Variants in DPYSL5 observed in about 807,000 individuals in gnomAD.
The protein encoded by DPYSL5 is dihydropyrimidinase-related protein 5.
DPYSL5 carries 9 observed loss-of-function variants against 58.4 expected under a neutral mutation model. That is an observed-to-expected ratio of 0.15 (90% confidence interval 0.09 to 0.27). The LOEUF (loss-of-function observed/expected upper bound fraction) is 0.27. Ranked by LOEUF, DPYSL5 falls within the 10% of genes least tolerant of loss-of-function variation. The pLI is 1.00. For synonymous variants in DPYSL5, 293 were observed against 301.9 expected (o/e 0.97, Z 0.31); for missense variants, 499 against 770.6 (o/e 0.65, Z 4.17).
chr2:26,931,137 TAAAAAA>T (rs61652873), intron 5 of DPYSL5, among the ~76,000 whole-genome samples: 1,216 of 48,712 alleles, frequency 0.025, 21 homozygotes, highest in South Asian at 0.052. Flanking sequence ...AGACCCTATC[TAAAAAA>T]AAAAAAAAAA....
At chr2:26,872,790 C>CAG (rs35041270) in intron 1 of DPYSL5, among the ~76,000 whole-genome samples, 53,345 of 151,868 alleles carry the variant, frequency 0.35, 9,796 homozygotes, top group Admixed American at 0.45. Flanking sequence ...GCCTGGGCAA[C>CAG]AGCGAGACTC....
chr2:26,921,734 C>T (rs143777535), intron 2 of DPYSL5, among the ~76,000 whole-genome samples: 68 of 152,260 alleles, frequency 4.5e-4, no homozygotes, highest in African/African-American at 1.5e-3. Context: ...CAGTGAAACT[C>T]TTGTTTCGAG....
chr2:26,877,999 G>A lies in DPYSL5; in HGVS notation c.-4-20497G>A, dbSNP rs753210553. Among the ~76,000 whole-genome samples the A allele has an allele frequency of 2.0e-5, 3 of 152,166 alleles. No individual in the cohort carries two copies. The highest frequency in any genetic ancestry group is 4.4e-5 in the Non-Finnish European group (3 of 68,014). Reference sequence around the variant, plus strand: ...AACAACAGTGTTACCAAACACCCTCGTACTACATCTTTGTACAACTGTTCA... The same window carrying A: ...AACAACAGTGTTACCAAACACCCTCATACTACATCTTTGTACAACTGTTCA... On this transcript the variant is annotated intron_variant, in intron 1 of 12. Transcript: ENST00000288699. This position sits in a 1 kb window ranked among gnomAD's most constrained non-coding sequence, Gnocchi z 4.1.
intron 2 of DPYSL5, among the ~76,000 whole-genome samples, chr2:26,908,520 C>G (rs984877726): frequency 3.3e-5 from 5 of 152,180 alleles, no homozygotes; most frequent in Non-Finnish European, 7.3e-5. Flanking sequence ...GTTGATCCTT[C>G]TTAGAACTGA....
Position 26,947,449 on chromosome 2 carries a change from A to G in DPYSL5, c.*454A>G, listed in dbSNP as rs1665518273. Reference sequence around the variant, plus strand: ...CCCACCCCTTAGGCCCCGTGGTGACATTTCCCAAGTCAGACAGATGTCAGC... The same window carrying G: ...CCCACCCCTTAGGCCCCGTGGTGACGTTTCCCAAGTCAGACAGATGTCAGC... On this transcript the variant is annotated 3_prime_UTR_variant, in exon 13 of 13. Coordinates refer to ENST00000288699, the MANE Select transcript of DPYSL5 (RefSeq NM_020134.4). The surrounding 1 kb of genome is among the most constrained non-coding windows in gnomAD (Gnocchi z 4.2). The G allele has an allele frequency of 6.4e-6, 1 of 155,936 alleles. No individual in the cohort carries two copies. Among genetic ancestry groups the G allele is most frequent in the African/African-American group, 2.4e-5 (1 of 41,514 alleles). The allele number at this position is 155,936 out of a possible 1,614,324, so 9.7% of individuals were successfully genotyped here.
At chr2:26,937,683 G>A (rs1470671027) in intron 8 of DPYSL5, among the ~76,000 whole-genome samples, 1 of 151,800 alleles carries the variant, frequency 6.6e-6, no homozygotes, top group Non-Finnish European at 1.5e-5. Context: ...CTGGAATGCA[G>A]TGGTACAACC....
intron 5 of DPYSL5, among the ~76,000 whole-genome samples, chr2:26,931,419 T>G (rs1021961011): frequency 2.6e-5 from 4 of 151,562 alleles, no homozygotes; most frequent in African/African-American, 9.7e-5. Flanking sequence ...GCCTTTTAAT[T>G]AAGCCCCAAG....
intron 1 of DPYSL5, among the ~76,000 whole-genome samples, chr2:26,851,344 G>A (rs1665748286): frequency 2.3e-5 from 1 of 43,888 alleles, no homozygotes; most frequent in African/African-American, 2.6e-4. Context: ...CTGACGTGAA[G>A]GCCTGGCTGT....
chr2:26,905,147 C>A lies in DPYSL5; in HGVS notation c.261+6387C>A, dbSNP rs899049779. On this transcript the variant is annotated intron_variant, in intron 2 of 12. Transcript: ENST00000288699. The surrounding 1 kb of genome is among the most constrained non-coding windows in gnomAD (Gnocchi z 4.0). ...ATGAGGGTGTCTCAGAATGGATTTG[C>A]ATCAGGCAGGCAGCTGAGCGAGGTC... Among the ~76,000 whole-genome samples the A allele has an allele frequency of 6.6e-5, 10 of 152,286 alleles. No homozygotes were observed. Among genetic ancestry groups the A allele is most frequent in the Admixed American group, 1.3e-4 (2 of 15,302 alleles).
intron 5 of DPYSL5, among the ~76,000 whole-genome samples, chr2:26,931,169 A>ATATATGTGTGTGTG (rs1353719385): frequency 2.2e-5 from 1 of 45,700 alleles, no homozygotes; most frequent in Non-Finnish European, 4.2e-5. Flanking sequence ...ATATATATAT[A>ATATATGTGTGTGTG]TGTGTGTGTG....
At chr2:26,929,995 G>A (rs891342416) in intron 5 of DPYSL5, among the ~76,000 whole-genome samples, 19 of 152,236 alleles carry the variant, frequency 1.2e-4, no homozygotes, top group African/African-American at 4.6e-4. Context: ...GAGGGATTGA[G>A]GGGGAGGCCT....
At chr2:26,904,579 C>G (rs1306394652) in intron 2 of DPYSL5, among the ~76,000 whole-genome samples, 2 of 152,148 alleles carry the variant, frequency 1.3e-5, no homozygotes, top group Non-Finnish European at 2.9e-5. Context: ...CATCTAGTCC[C>G]ACCCACCCAT....
At chr2:26,939,869 G>T in intron 8 of DPYSL5, 162 bp from the exon 9 acceptor site, 1 of 823,180 alleles carries the variant, frequency 1.2e-6, no homozygotes. Context: ...GGTTCACATA[G>T]ATGCAGTAAC....
rs200141608 is a variant in DPYSL5 at position 26,873,717 on chromosome 2, CA to C, written c.-4-24775del. Among the ~76,000 whole-genome samples, 20 of 152,266 alleles carry C rather than the reference CA, an allele frequency of 1.3e-4. No homozygotes were observed. The East Asian group carries it at 3.7e-3, about 28-fold the overall frequency. ...CACATGTTTAAATGGTTGAACAAATCAAAAGAAAAAGAATATCTCCTGACAA... is the reference window on the plus strand; with the variant it reads ...CACATGTTTAAATGGTTGAACAAATCAAAGAAAAAGAATATCTCCTGACAA... On this transcript the variant is annotated intron_variant, in intron 1 of 12. Coordinates refer to ENST00000288699, the MANE Select transcript of DPYSL5 (RefSeq NM_020134.4).
At chr2:26,867,054 T>G (rs908431821) in intron 1 of DPYSL5, among the ~76,000 whole-genome samples, 2 of 152,102 alleles carry the variant, frequency 1.3e-5, no homozygotes, top group African/African-American at 4.8e-5. Flanking sequence ...TGAGACTCTT[T>G]GTCTCATCAT....
Position 26,950,249 on chromosome 2 carries a change from C to A in DPYSL5, c.*3254C>A, listed in dbSNP as rs759214258. 2 of 152,200 alleles carry A rather than the reference C, an allele frequency of 1.3e-5. No homozygotes were observed. Among genetic ancestry groups the A allele is most frequent in the Non-Finnish European group, 2.9e-5 (2 of 68,042 alleles). 9.4% of individuals were successfully genotyped at this position (152,200 alleles called of 1,614,324 possible). ...TGCTAAGACTGTGTCAACCCCAAGA[C>A]GACACATGGTCCTGTGCTTTGGCCA... On this transcript the variant is annotated 3_prime_UTR_variant, in exon 13 of 13. Transcript: ENST00000288699. This position sits in a 1 kb window ranked among gnomAD's most constrained non-coding sequence, Gnocchi z 5.3.
In DPYSL5 at chr2:26,849,333, G is replaced by A. The variant is rs1665686584; in HGVS notation, c.-5+1079G>A. ...GGGGGAGGGGGGCCTCCTGGGAAGG[G>A]GAGCCTCCCGAGGAGGGAGGGGCAA... On this transcript the variant is annotated intron_variant, in intron 1 of 12. Transcript: ENST00000288699. The surrounding 1 kb of genome is among the most constrained non-coding windows in gnomAD (Gnocchi z 6.2). 6.6e-6 allele frequency among the ~76,000 whole-genome samples: 1 copy of A among 151,874 alleles called. No individual in the cohort carries two copies. The highest frequency in any genetic ancestry group is 1.5e-5 in the Non-Finnish European group (1 of 67,926).
rs76866450 is a variant in DPYSL5 at position 26,897,601 on chromosome 2, G to T, written c.-4-895G>T. 2.3e-3 allele frequency among the ~76,000 whole-genome samples: 344 copies of T among 152,284 alleles called. 2 individuals carry two copies. Among genetic ancestry groups the T allele is most frequent in the African/African-American group, 7.8e-3 (323 of 41,546 alleles). On this transcript the variant is annotated intron_variant, in intron 1 of 12. Coordinates refer to ENST00000288699, the MANE Select transcript of DPYSL5 (RefSeq NM_020134.4). ...ATTTTTTATATCTATATTCACGAGA[G>T]ATATTGCTCTGTAGTTTTCTTTCTG... is the stretch of plus-strand genomic sequence containing the variant.
At chr2:26,928,356 T>C in intron 5 of DPYSL5, 33 bp downstream of exon 5, 2 of 1,608,322 alleles carry the variant, frequency 1.2e-6, no homozygotes, top group Non-Finnish European at 1.7e-6. Flanking sequence ...TTTGTCAGCG[T>C]CTCTCATGTA....
Sources: gnomAD v4.1 joint callset for allele counts (sites outside exome capture counted in the v4.1 genomes callset) on GRCh38, gnomAD v4.1.1 for gene constraint, Gnocchi (gnomAD v3.1) non-coding constraint, MANE v1.5 for transcripts, NCBI Gene and HGNC (gene_info 2026-07-23, HGNC 2026-07-21) for gene names.